Variants in GPRC6A observed in about 807,000 individuals in gnomAD.
GPRC6A encodes the protein G protein-coupled receptor family C group 6 member A.
Under a neutral mutation model 47.0 loss-of-function variants are expected in GPRC6A, and 54 were observed. The observed-to-expected ratio is 1.15, with a 90% CI of 0.92 to 1.44. The LOEUF is 1.44. GPRC6A is among the 40% of genes most tolerant of loss of function. The pLI is 0.00. For synonymous variants in GPRC6A, 347 were observed against 377.1 expected (o/e 0.92, Z 0.93); for missense variants, 1,112 against 1,105.5 (o/e 1.01, Z -0.08).
chr6:116,819,352 G>A (rs901971494), intron 1 of GPRC6A, among the ~76,000 whole-genome samples: 2 of 150,936 alleles, frequency 1.3e-5, no homozygotes, highest in African/African-American at 4.9e-5. Flanking sequence ...TCTGCACCAA[G>A]TGGACCTAAT....
intron 2 of GPRC6A, among the ~76,000 whole-genome samples, chr6:116,808,390 A>T (rs1772919858): frequency 6.6e-6 from 1 of 152,138 alleles, no homozygotes. Context: ...TCACCTAACT[A>T]GTATCATACA....
Position 116,792,918 on chromosome 6 carries a change from T to C in GPRC6A, c.2005A>G (p.Ser669Gly). The C allele has an allele frequency of 6.2e-7, 1 of 1,614,088 alleles. No individual in the cohort carries two copies. Residue 669 changes from serine (S) to glycine (G), a missense_variant, in exon 6 of 6, where the codon AGC (serine) becomes GGC (glycine). Transcript: ENST00000310357. ...ATGCAGGAGATGCAAAGAGTAAAGC[T>C]CACTCCAAACATTGTCTGCCTGGTT... ...CKTRQTMFGV[S>G]FTLCISCILT...
At chr6:116,805,535 G>T (rs1772808506) in intron 3 of GPRC6A, among the ~76,000 whole-genome samples, 1 of 151,992 alleles carries the variant, frequency 6.6e-6, no homozygotes, top group Admixed American at 6.6e-5. Context: ...ACATATTATT[G>T]AGACATTTAT....
intron 1 of GPRC6A, among the ~76,000 whole-genome samples, chr6:116,818,175 C>T (rs1368797160): frequency 3.3e-5 from 5 of 152,186 alleles, no homozygotes; most frequent in Admixed American, 1.3e-4. Flanking sequence ...AGACTAACAG[C>T]GGATCTCTCA....
chr6:116,803,519 C>A (rs1369694100), intron 3 of GPRC6A, among the ~76,000 whole-genome samples: 1 of 152,018 alleles, frequency 6.6e-6, no homozygotes, highest in Non-Finnish European at 1.5e-5. Context: ...CTTTTCAATC[C>A]CACTGTGGAA....
intron 1 of GPRC6A, among the ~76,000 whole-genome samples, chr6:116,822,818 A>G (rs1773541645): frequency 6.6e-6 from 1 of 151,256 alleles, no homozygotes; most frequent in South Asian, 2.1e-4. Flanking sequence ...AATGTAACTA[A>G]CCTGTACAAT....
At chr6:116,816,647 T>C (rs1373941270) in intron 1 of GPRC6A, among the ~76,000 whole-genome samples, 1 of 152,034 alleles carries the variant, frequency 6.6e-6, no homozygotes, top group African/African-American at 2.4e-5. Flanking sequence ...CACTAGGGAG[T>C]GCCAGACAGT....
chr6:116,792,247 C>T lies in GPRC6A; in HGVS notation c.2676G>A (p.Trp892Ter). The T allele has an allele frequency of 6.2e-7, 1 of 1,613,970 alleles. No individual in the cohort carries two copies. Among genetic ancestry groups the T allele is most frequent in the Non-Finnish European group, 8.5e-7 (1 of 1,179,936 alleles). ...NPSSSGKSAT[W>*]QKSKDLQAQA... The stretch of plus-strand genomic sequence containing the variant: ...GTGCCTGAAGATCTTTGCTTTTCTG[C>T]CAGGTTGCAGACTTGCCACTAGAGC... The change falls in exon 6 of 6, where the codon TGG becomes TGA. Residue 892 changes from tryptophan (W) to a stop codon, truncating the protein, a stop_gained. Transcript: ENST00000310357. LOFTEE classifies it low-confidence loss of function (END_TRUNC).
chr6:116,800,627 A>G lies in GPRC6A; in HGVS notation c.1505T>C (p.Ile502Thr), dbSNP rs774093168. 7 of 1,613,656 alleles carry G rather than the reference A, an allele frequency of 4.3e-6. No individual in the cohort carries two copies. The highest frequency in any genetic ancestry group is 5.9e-6 in the Non-Finnish European group (7 of 1,179,726). ...ATTTTTTGTTTCCTGATCTGGGATG[A>G]TGAAGACATCATTCTGTAGGTCATA... is the stretch of plus-strand genomic sequence containing the variant. ...AEYDLQNDVF[I>T]IPDQETKNEF... Residue 502 changes from isoleucine (I) to threonine (T), a missense_variant, in exon 4 of 6, where the codon ATC becomes ACC. Coordinates refer to ENST00000310357, the MANE Select transcript of GPRC6A (RefSeq NM_148963.4).
Position 116,792,452 on chromosome 6 carries a change from C to A in GPRC6A, c.2471G>T (p.Gly824Val), listed in dbSNP as rs1772334324. ...GGGGATGAATGTGCAATACAGGATT[C>A]CATAGTTAGATATTAATATGACAAT... ...EIIVILISNYGILYCTFIPKC... is the reference protein window; with the variant it reads ...EIIVILISNYVILYCTFIPKC... The change falls in exon 6 of 6, where the codon GGA (glycine) becomes GTA (valine). Residue 824 changes from glycine (G) to valine (V), a missense_variant. By Grantham distance (109) the Gly-to-Val change is moderately radical. Transcript: ENST00000310357. 13 of 1,613,842 alleles carry A rather than the reference C, an allele frequency of 8.1e-6. No individual in the cohort carries two copies. Among genetic ancestry groups the A allele is most frequent in the Non-Finnish European group, 1.0e-5 (12 of 1,179,828 alleles).
intron 1 of GPRC6A, among the ~76,000 whole-genome samples, chr6:116,817,784 A>G (rs1773280780): frequency 6.6e-6 from 1 of 152,204 alleles, no homozygotes; most frequent in Non-Finnish European, 1.5e-5. Context: ...GGTATCAGCA[A>G]TGGAAGATGA....
At chr6:116,794,130 C>T (rs1772402927) in intron 5 of GPRC6A, among the ~76,000 whole-genome samples, 1 of 152,176 alleles carries the variant, frequency 6.6e-6, no homozygotes, top group Non-Finnish European at 1.5e-5. Flanking sequence ...TGAGTCTCAG[C>T]TGCAATCAAA....
At chr6:116,819,878 T>C (rs1300656680) in intron 1 of GPRC6A, among the ~76,000 whole-genome samples, 41 of 148,332 alleles carry the variant, frequency 2.8e-4, no homozygotes, top group African/African-American at 1.0e-3. Context: ...CTGAAGGAAA[T>C]AGAGACACAA....
In GPRC6A at chr6:116,807,194, A is replaced by G. The variant is rs775549934; in HGVS notation, c.511T>C (p.Ser171Pro). Residue 171 changes from serine to proline, a missense_variant, in exon 3 of 6, where the codon TCA (serine) becomes CCA (proline). Transcript: ENST00000310357. ...TTGTCACTCAGGATTTCTGCAGTTG[A>G]TTCATAACCCACCTGGAAATAGACA... ...LQLMPQVGYE[S>P]TAEILSDKIR... 6.2e-7 allele frequency: 1 copy of G among 1,607,072 alleles called. No individual in the cohort carries two copies. Among genetic ancestry groups the G allele is most frequent in the South Asian group, 1.1e-5 (1 of 90,764 alleles).
rs1187289153 is a variant in GPRC6A, at chr6:116,822,736, G to A, written c.194+6084C>T. ...TGGGTTGGGGGAGGGGGGAGGGATA[G>A]CATTGGGAGATATACCTAATGCTAG... is the stretch of plus-strand genomic sequence containing the variant. On this transcript the variant is annotated intron_variant, in intron 1 of 5. Coordinates refer to ENST00000310357, the MANE Select transcript of GPRC6A (RefSeq NM_148963.4). Among the ~76,000 whole-genome samples the A allele has an allele frequency of 2.7e-5, 4 of 148,386 alleles. No homozygotes were observed. The East Asian group carries it at 5.9e-4, about 22-fold the overall frequency.
rs1772467142 is a variant in GPRC6A at position 116,795,812 on chromosome 6, C to T, written c.1572G>A (p.Lys524=). 6.2e-7 allele frequency: 1 copy of T among 1,601,808 alleles called. No homozygotes were observed. The highest frequency in any genetic ancestry group is 8.5e-7 in the Non-Finnish European group (1 of 1,172,318). Residue 524 remains lysine (K), a synonymous_variant, in exon 5 of 6, where the codon AAG becomes AAA. Transcript: ENST00000310357. The part of the protein sequence containing the change: ...NLKQIQSKCS[K]ECSPGQMKKT... ...TCTTCATTTGCCCAGGACTGCATTC[C>T]TTGGAGCATTTAGATTGAATTTGCT...
Position 116,806,429 on chromosome 6 carries a change from T to C in GPRC6A, c.1276A>G (p.Ile426Val), listed in dbSNP as rs552489573. 1 of 1,613,414 alleles carries C rather than the reference T, an allele frequency of 6.2e-7. No homozygotes were observed. Among genetic ancestry groups the C allele is most frequent in the African/African-American group, 1.3e-5 (1 of 74,992 alleles). ...QLAVFALGYA[I>V]RDLCQARDCQ... ...TCACGAGCTTGACACAGATCCCGAA[T>C]GGCATAACCAAGGGCAAACACTGCA... is the stretch of plus-strand genomic sequence containing the variant. The change falls in exon 3 of 6, where the codon ATT becomes GTT. Residue 426 changes from isoleucine to valine, a missense_variant. Transcript: ENST00000310357.
intron 1 of GPRC6A, among the ~76,000 whole-genome samples, chr6:116,826,170 A>T (rs1183054498): frequency 6.6e-6 from 1 of 151,966 alleles, no homozygotes; most frequent in East Asian, 1.9e-4. Flanking sequence ...AGCACAGACA[A>T]CTAAAAGAAA....
At chr6:116,816,626 C>A (rs373623571) in intron 1 of GPRC6A, among the ~76,000 whole-genome samples, 1 of 152,200 alleles carries the variant, frequency 6.6e-6, no homozygotes, top group African/African-American at 2.4e-5. Context: ...TCTGAGGTAC[C>A]GGGTTCATCT....
Sources: gnomAD v4.1 joint callset for allele counts (sites outside exome capture counted in the v4.1 genomes callset) on GRCh38, gnomAD v4.1.1 for gene constraint, MANE v1.5 for transcripts, NCBI Gene and HGNC (gene_info 2026-07-23, HGNC 2026-07-21) for gene names.